SGMS1: variants seen among roughly 807,000 people sequenced by gnomAD.
SGMS1 encodes phosphatidylcholine:ceramide cholinephosphotransferase 1.
A neutral mutation model predicts 46.2 loss-of-function variants in SGMS1; 13 were observed. The observed-to-expected ratio is 0.28, with a 90% CI of 0.18 to 0.45. SGMS1 has a LOEUF of 0.45. Among genes scored for constraint, SGMS1 ranks in the 20% least tolerant of loss-of-function variants. The pLI is 1.00. For synonymous variants in SGMS1, 203 were observed against 187.8 expected (o/e 1.08, Z -0.66); for missense variants, 324 against 519.9 (o/e 0.62, Z 3.66).
intron 5 of SGMS1, among the ~76,000 whole-genome samples, chr10:50,452,944 T>G (rs1837130236): frequency 1.3e-5 from 2 of 152,110 alleles, no homozygotes; most frequent in South Asian, 4.1e-4. Context: ...GCAGAGAATA[T>G]AATGTAAAGA....
chr10:50,525,667 A>C (rs1837894475), intron 2 of SGMS1, among the ~76,000 whole-genome samples: 1 of 152,216 alleles, frequency 6.6e-6, no homozygotes, highest in Non-Finnish European at 1.5e-5. Flanking sequence ...TGAGGTACGA[A>C]ATTCCCAGAG....
intron 3 of SGMS1, among the ~76,000 whole-genome samples, chr10:50,489,496 A>G (rs758052227): frequency 6.6e-6 from 1 of 152,238 alleles, no homozygotes; most frequent in Non-Finnish European, 1.5e-5. Flanking sequence ...GGTGAAAGTG[A>G]CAAGTCTCAT....
chr10:50,307,157 C>A lies in SGMS1; in HGVS notation c.1227G>T (p.Leu409=). 6.2e-7 allele frequency: 1 copy of A among 1,613,748 alleles called. No individual in the cohort carries two copies. Among genetic ancestry groups the A allele is most frequent in the Non-Finnish European group, 8.5e-7 (1 of 1,179,876 alleles). ...HLSRQVKYSR[L]VNDT is the part of the protein sequence containing the mutation. ...TGTACAGCTGTTATGTGTCATTCAC[C>A]AGCCGGCTGTATTTAACTTGCCTAC... The change falls in exon 11 of 11, where the codon CTG becomes CTT. Residue 409 remains leucine, a synonymous_variant. Transcript: ENST00000361781. This position sits in a 1 kb window ranked among gnomAD's most constrained non-coding sequence, Gnocchi z 4.2.
rs201020673 is a variant in SGMS1 at position 50,359,257 on chromosome 10, CTG to C, written c.-231-14914_-231-14913del. Among the ~76,000 whole-genome samples, 71 of 152,282 alleles carry C rather than the reference CTG, an allele frequency of 4.7e-4. 3 individuals carry two copies. In the East Asian group the frequency reaches 0.013, roughly 29 times the overall value. On this transcript the variant is annotated intron_variant, in intron 6 of 10. Coordinates refer to ENST00000361781, the MANE Select transcript of SGMS1 (RefSeq NM_147156.4). The stretch of plus-strand genomic sequence containing the variant: ...ATGACATCTTTTGGTCTCCTCCACA[CTG>C]TGTTTATTCAATAATGTTTAATACT...
At chr10:50,477,312 A>T (rs2133711813) in intron 3 of SGMS1, among the ~76,000 whole-genome samples, 1 of 152,364 alleles carries the variant, frequency 6.6e-6, no homozygotes, top group African/African-American at 2.4e-5. Context: ...TGGGGCCTAT[A>T]GGCCCTCTGT....
chr10:50,522,877 C>A lies in SGMS1; in HGVS notation c.-588-2956G>T, dbSNP rs116774463. Among the ~76,000 whole-genome samples, 713 of 152,256 alleles carry A rather than the reference C, an allele frequency of 4.7e-3. 3 individuals are homozygous for A. Among genetic ancestry groups the A allele is most frequent in the African/African-American group, 0.016 (675 of 41,540 alleles). ...TCTGTTCTTAGCCTAGTAGCAGCTG[C>A]TCTCTGCAGGGCCTCACCCCTCAAG... On this transcript the variant is annotated intron_variant, in intron 2 of 10. Transcript: ENST00000361781.
intron 2 of SGMS1, among the ~76,000 whole-genome samples, chr10:50,568,731 C>T (rs549885868): frequency 1.7e-4 from 26 of 152,312 alleles, no homozygotes; most frequent in Admixed American, 5.2e-4. Context: ...TTTTACAACA[C>T]TGTAAACACT....
intron 1 of SGMS1, among the ~76,000 whole-genome samples, chr10:50,598,227 G>T (rs1838615549): frequency 1.3e-5 from 2 of 151,872 alleles, no homozygotes; most frequent in African/African-American, 4.8e-5. Flanking sequence ...AGAGAGAGAT[G>T]ACTTCTCTCT....
chr10:50,490,060 T>C lies in SGMS1; in HGVS notation c.-497-23128A>G, dbSNP rs148214683. Among the ~76,000 whole-genome samples, 171 of 152,330 alleles carry C rather than the reference T, an allele frequency of 1.1e-3. 2 individuals are homozygous for C. The highest frequency in any genetic ancestry group is 4.0e-3 in the African/African-American group (167 of 41,580). ...AACTGGTAATGTGAAGAAATGGCCC[T>C]AGTCTCAAGTTCAGAGATATGACTT... On this transcript the variant is annotated intron_variant, in intron 3 of 10. Coordinates refer to ENST00000361781, the MANE Select transcript of SGMS1 (RefSeq NM_147156.4).
At chr10:50,509,464 T>C (rs780887554) in intron 3 of SGMS1, among the ~76,000 whole-genome samples, 1 of 152,206 alleles carries the variant, frequency 6.6e-6, no homozygotes, top group Non-Finnish European at 1.5e-5. Context: ...CATACACATA[T>C]ATATATCACA....
intron 6 of SGMS1, among the ~76,000 whole-genome samples, chr10:50,369,123 G>A (rs972035407): frequency 6.6e-6 from 1 of 152,152 alleles, no homozygotes; most frequent in African/African-American, 2.4e-5. Context: ...ACAGGGGACA[G>A]AATATTTAAA....
intron 6 of SGMS1, among the ~76,000 whole-genome samples, chr10:50,407,623 C>T (rs1849034092): frequency 6.6e-6 from 1 of 152,160 alleles, no homozygotes; most frequent in Non-Finnish European, 1.5e-5. Context: ...GCATTCCCCC[C>T]GCCGTAAATA....
At chr10:50,568,671 TC>T (rs1403811653) in intron 2 of SGMS1, among the ~76,000 whole-genome samples, 3 of 151,996 alleles carry the variant, frequency 2.0e-5, no homozygotes, top group Non-Finnish European at 4.4e-5. Flanking sequence ...AGACCCCATA[TC>T]AAAAAAAAGT....
chr10:50,503,714 C>T (rs983241470), intron 3 of SGMS1, among the ~76,000 whole-genome samples: 3 of 152,124 alleles, frequency 2.0e-5, no homozygotes, highest in Non-Finnish European at 2.9e-5. Context: ...GTTCCCAGCT[C>T]GTGGAGGAGA....
intron 2 of SGMS1, among the ~76,000 whole-genome samples, chr10:50,544,195 T>C (rs1041238340): frequency 6.6e-6 from 1 of 152,228 alleles, no homozygotes; most frequent in African/African-American, 2.4e-5. Flanking sequence ...AAGTGCTTCA[T>C]GAATTAACTC....
At chr10:50,322,155 G>A (rs1847455524) in intron 8 of SGMS1, among the ~76,000 whole-genome samples, 22 of 152,282 alleles carry the variant, frequency 1.4e-4, no homozygotes, top group Admixed American at 1.2e-3. Flanking sequence ...AAGTTCAAGA[G>A]AATCATTTCA....
At chr10:50,355,273 ACCCTCTT>A (rs1023197179) in intron 6 of SGMS1, among the ~76,000 whole-genome samples, 1 of 152,054 alleles carries the variant, frequency 6.6e-6, no homozygotes, top group African/African-American at 2.4e-5. Flanking sequence ...ATAAAAAATG[ACCCTCTT>A]CCCTCTTCCC....
chr10:50,324,714 T>G (rs1313008141), intron 8 of SGMS1, among the ~76,000 whole-genome samples: 1 of 152,198 alleles, frequency 6.6e-6, no homozygotes, highest in Non-Finnish European at 1.5e-5. Flanking sequence ...TAAAATTGAA[T>G]CTAATTAAGT....
chr10:50,598,810 T>C (rs1389120508), intron 1 of SGMS1, among the ~76,000 whole-genome samples: 2 of 152,196 alleles, frequency 1.3e-5, no homozygotes, highest in Admixed American at 6.5e-5. Context: ...GCATGTGATC[T>C]TGAAGGTCTT....
Sources: gnomAD v4.1 joint callset for allele counts (sites outside exome capture counted in the v4.1 genomes callset) on GRCh38, gnomAD v4.1.1 for gene constraint, Gnocchi (gnomAD v3.1) non-coding constraint, MANE v1.5 for transcripts, NCBI Gene and HGNC (gene_info 2026-07-23, HGNC 2026-07-21) for gene names.